Variants in DDHD1 observed in about 807,000 individuals in gnomAD.
The protein encoded by DDHD1 is phospholipase DDHD1.
A neutral mutation model predicts 96.4 loss-of-function variants in DDHD1; 49 were observed. The ratio of observed to expected loss-of-function variants is 0.51; its 90% CI spans 0.40 to 0.64. DDHD1 has a LOEUF of 0.64. Ranked by LOEUF, DDHD1 falls within the 30% of genes least tolerant of loss-of-function variation. The probability of loss-of-function intolerance (pLI) is 0.00; values close to 1 mark genes in which losing one functional copy is unlikely to be tolerated. For missense variants in DDHD1, 1,106 were observed against 1,161.2 expected, an observed-to-expected ratio of 0.95 and a Z score of 0.69; for synonymous variants, 442 against 446.5, an observed-to-expected ratio of 0.99 and a Z score of 0.13.
intron 7 of DDHD1, 63 bp downstream of exon 7, chr14:53,062,880 G>T (rs767002557): frequency 1.3e-6 from 2 of 1,523,606 alleles, no homozygotes; most frequent in African/African-American, 1.4e-5. Context: ...TAGTTTTCTC[G>T]TAAGAGGTCC....
intron 9 of DDHD1, among the ~76,000 whole-genome samples, chr14:53,058,008 T>C (rs1883211014): frequency 6.6e-6 from 1 of 151,698 alleles, no homozygotes; most frequent in Non-Finnish European, 1.5e-5. Flanking sequence ...CCCAGCTAAT[T>C]TTTTGTATTT....
chr14:53,124,193 C>T (rs2139811838), intron 1 of DDHD1, among the ~76,000 whole-genome samples: 1 of 151,374 alleles, frequency 6.6e-6, no homozygotes, highest in Non-Finnish European at 1.5e-5. Context: ...CGAGATCACG[C>T]CAGTGCACTC....
In DDHD1 at chr14:53,055,857, T is replaced by C; in HGVS notation, c.2048A>G (p.Gln683Arg). 6.2e-7 allele frequency: 1 copy of C among 1,613,776 alleles called. No homozygotes were observed. Reference protein sequence around the residue: ...LKHYSNISPVQIHWYNTSNPL... With the variant: ...LKHYSNISPVRIHWYNTSNPL... Reference sequence around the variant, plus strand: ...ATTTGAAGTATTGTACCAGTGGATCTGGACAGGTGAAATGTTGCTGTAGTG... The same window carrying C: ...ATTTGAAGTATTGTACCAGTGGATCCGGACAGGTGAAATGTTGCTGTAGTG... The change falls in exon 10 of 13, where the codon CAG becomes CGG. Residue 683 changes from glutamine to arginine, a missense_variant. By Grantham distance (43) the Gln-to-Arg change is conservative (BLOSUM62 1). Transcript: ENST00000673822.
At chr14:53,122,246 C>T (rs934055864) in intron 1 of DDHD1, among the ~76,000 whole-genome samples, 3 of 152,200 alleles carry the variant, frequency 2.0e-5, no homozygotes, top group Non-Finnish European at 2.9e-5. Flanking sequence ...CACCCCAGAC[C>T]TCCTGGCAGT....
chr14:53,046,696 G>A lies in DDHD1; in HGVS notation c.*72C>T, dbSNP rs1014460458. The A allele has an allele frequency of 3.7e-5, 38 of 1,031,032 alleles. No individual in the cohort carries two copies. Among genetic ancestry groups the A allele is most frequent in the East Asian group, 5.5e-5 (2 of 36,292 alleles). The allele number at this position is 1,031,032 out of a possible 1,614,324, so 63.9% of individuals were successfully genotyped here. ...AATATACTTTAACCCTGAAATCTCC[G>A]TATCTTGACACACACATTTTAACGG... On this transcript the variant is annotated 3_prime_UTR_variant, in exon 13 of 13. Transcript: ENST00000673822.
chr14:53,119,019 A>G (rs1219935751), intron 1 of DDHD1, among the ~76,000 whole-genome samples: 1 of 152,196 alleles, frequency 6.6e-6, no homozygotes, highest in African/African-American at 2.4e-5. Flanking sequence ...CAACATTCTT[A>G]AAGAAAAGGA....
At chr14:53,083,043 T>C (rs1433944433) in intron 4 of DDHD1, among the ~76,000 whole-genome samples, 1 of 152,040 alleles carries the variant, frequency 6.6e-6, no homozygotes, top group African/African-American at 2.4e-5. Flanking sequence ...GGGAGAGAAA[T>C]GAGAATCAGC....
rs1370802022 is a variant in DDHD1 at position 53,041,770 on chromosome 14, T to C, written c.*4998A>G. On this transcript the variant is annotated 3_prime_UTR_variant, in exon 13 of 13. Coordinates refer to ENST00000673822, the MANE Select transcript of DDHD1 (RefSeq NM_001160148.2). ...GTCCAGACCTGATAGGGTACTCTTA[T>C]GAGAGTCTGGAAGAAAGAAGGGACC... 1 of 152,124 alleles carries C rather than the reference T, an allele frequency of 6.6e-6. No homozygotes were observed. The highest frequency in any genetic ancestry group is 1.5e-5 in the Non-Finnish European group (1 of 68,026). 9.4% of individuals were successfully genotyped at this position (152,124 alleles called of 1,614,324 possible). A position where few individuals can be genotyped will look rare whatever the true frequency, so the allele number is the denominator to read the frequency against.
At chr14:53,150,301 C>A (rs753012788) in intron 1 of DDHD1, among the ~76,000 whole-genome samples, 9 of 152,174 alleles carry the variant, frequency 5.9e-5, no homozygotes, top group Non-Finnish European at 8.8e-5. Context: ...TTCCTGATAC[C>A]CTCACCCTTG....
At chr14:53,061,379 T>C in intron 7 of DDHD1, 178 bp from the exon 8 acceptor site, 2 of 492,396 alleles carry the variant, frequency 4.1e-6, no homozygotes, top group Non-Finnish European at 6.8e-6. Flanking sequence ...TATAAAAATT[T>C]ATGAAATAAT....
At chr14:53,127,687 CA>C (rs1889554047) in intron 1 of DDHD1, among the ~76,000 whole-genome samples, 1 of 152,110 alleles carries the variant, frequency 6.6e-6, no homozygotes, top group South Asian at 2.1e-4. Context: ...CCCAGAGAAT[CA>C]AAAAACAAAT....
At chr14:53,090,162 A>C (rs1284407767) in intron 4 of DDHD1, among the ~76,000 whole-genome samples, 2 of 152,170 alleles carry the variant, frequency 1.3e-5, no homozygotes, top group African/African-American at 2.4e-5. Flanking sequence ...TGCAAATCAA[A>C]ACCACAATGA....
chr14:53,061,667 A>G (rs1250080130), intron 7 of DDHD1, among the ~76,000 whole-genome samples: 1 of 152,168 alleles, frequency 6.6e-6, no homozygotes. Flanking sequence ...ATCATTTTCA[A>G]TTACAATGTT....
At chr14:53,107,757 C>CAGGACT (rs2139741002) in intron 1 of DDHD1, among the ~76,000 whole-genome samples, 1 of 152,300 alleles carries the variant, frequency 6.6e-6, no homozygotes, top group Non-Finnish European at 1.5e-5. Flanking sequence ...TGCTGAGAGA[C>CAGGACT]AGGACTAGCT....
chr14:53,058,547 C>T lies in DDHD1; in HGVS notation c.1922G>A (p.Ser641Asn). The change falls in exon 9 of 13, where the codon AGT becomes AAT. Residue 641 changes from serine (S) to asparagine (N), a missense_variant. Ser to Asn is a conservative substitution (Grantham distance 46). This residue lies in a region of DDHD1 where 650 missense variants were observed against 758.8 expected (regional missense o/e 0.86). Coordinates refer to ENST00000673822, the MANE Select transcript of DDHD1 (RefSeq NM_001160148.2). Reference protein sequence around the residue: ...LRGIRPGNTGSQDHILPREIC... With the variant: ...LRGIRPGNTGNQDHILPREIC... The stretch of plus-strand genomic sequence containing the variant: ...CTCTCTAGGCAAAATATGGTCTTGA[C>T]TTCCAGTATTTCCTGGGCGGATGCC... 6.2e-7 allele frequency: 1 copy of T among 1,613,718 alleles called. No individual in the cohort carries two copies.
intron 1 of DDHD1, among the ~76,000 whole-genome samples, chr14:53,145,582 C>T (rs1444493849): frequency 6.7e-6 from 1 of 150,010 alleles, no homozygotes; most frequent in African/African-American, 2.5e-5. Flanking sequence ...CAAAGGATAT[C>T]CTGCATCAAT....
chr14:53,064,992 A>G (rs1431886673), intron 6 of DDHD1, among the ~76,000 whole-genome samples: 5 of 152,068 alleles, frequency 3.3e-5, no homozygotes, highest in Non-Finnish European at 5.9e-5. Flanking sequence ...TTTGTGACCA[A>G]GTGTATTCAT....
chr14:53,134,756 C>G (rs905301785), intron 1 of DDHD1, among the ~76,000 whole-genome samples: 6 of 152,180 alleles, frequency 3.9e-5, no homozygotes, highest in African/African-American at 1.4e-4. Flanking sequence ...TGGGCACTCT[C>G]TAATTGGATG....
At chr14:53,115,558 G>C (rs1311188037) in intron 1 of DDHD1, among the ~76,000 whole-genome samples, 1 of 152,198 alleles carries the variant, frequency 6.6e-6, no homozygotes, top group Non-Finnish European at 1.5e-5. Flanking sequence ...CCAGAAGACA[G>C]TGGGGGCCAA....
Sources: gnomAD v4.1 joint callset for allele counts (sites outside exome capture counted in the v4.1 genomes callset) on GRCh38, gnomAD v4.1.1 for gene constraint, gnomAD v4.1.1 regional missense constraint, MANE v1.5 for transcripts, NCBI Gene and HGNC (gene_info 2026-07-23, HGNC 2026-07-21) for gene names.